The following KCNH7 variants were observed in gnomAD, a reference collection of about 807,000 sequenced individuals.
The protein encoded by KCNH7 is voltage-gated inwardly rectifying potassium channel KCNH7.
A neutral mutation model predicts 120.8 loss-of-function variants in KCNH7; 49 were observed. The observed-to-expected ratio is 0.41, with a 90% confidence interval of 0.32 to 0.51. The LOEUF is 0.51. Ranked by LOEUF, KCNH7 falls within the 20% of genes least tolerant of loss-of-function variation. KCNH7 has a pLI of 0.38. For synonymous variants in KCNH7, 547 were observed against 516.1 expected (o/e 1.06, Z -0.81); for missense variants, 1,097 against 1,446.6 (o/e 0.76, Z 3.92).
chr2:162,534,049 A>T (rs965265556), intron 3 of KCNH7, among the ~76,000 whole-genome samples: 5 of 151,504 alleles, frequency 3.3e-5, no homozygotes, highest in Non-Finnish European at 7.4e-5. Context: ...CTACTGGAAA[A>T]CTAAAAACTA....
At chr2:162,631,313 T>C (rs962730053) in intron 2 of KCNH7, among the ~76,000 whole-genome samples, 5 of 152,068 alleles carry the variant, frequency 3.3e-5, no homozygotes, top group Non-Finnish European at 5.9e-5. Flanking sequence ...TTTCTGTACA[T>C]TGAGGCAAAT....
chr2:162,577,090 A>AT (rs1218725817), intron 2 of KCNH7, among the ~76,000 whole-genome samples: 7 of 151,218 alleles, frequency 4.6e-5, no homozygotes, highest in Non-Finnish European at 7.4e-5. Context: ...TAATTAAAAA[A>AT]TTTTTTTTTT....
At chr2:162,814,586 C>T (rs926691645) in intron 2 of KCNH7, among the ~76,000 whole-genome samples, 5 of 152,136 alleles carry the variant, frequency 3.3e-5, no homozygotes, top group Non-Finnish European at 7.4e-5. Context: ...GTAATGAATT[C>T]CAGCACTTCT....
intron 2 of KCNH7, among the ~76,000 whole-genome samples, chr2:162,753,494 G>A (rs182368618): frequency 1.9e-3 from 292 of 152,284 alleles, no homozygotes; most frequent in Admixed American, 3.6e-3. Flanking sequence ...TGAGCAGATG[G>A]CAAAGAGGCT....
chr2:162,606,000 T>C (rs1041733639), intron 2 of KCNH7, among the ~76,000 whole-genome samples: 10 of 152,112 alleles, frequency 6.6e-5, no homozygotes, highest in African/African-American at 2.4e-4. Context: ...TATGTTAGTA[T>C]ATTAGGGGGA....
At chr2:162,375,833 G>A in intron 14 of KCNH7, among the ~76,000 whole-genome samples, 1 of 150,178 alleles carries the variant, frequency 6.7e-6, no homozygotes, top group East Asian at 2.0e-4. Flanking sequence ...GAAGGCTTGA[G>A]CCTGGGAGAT....
chr2:162,476,472 C>A (rs181829439), intron 6 of KCNH7, among the ~76,000 whole-genome samples: 356 of 152,234 alleles, frequency 2.3e-3, no homozygotes, highest in Non-Finnish European at 4.2e-3. Context: ...ATAATTTTTA[C>A]AGCAGATATT....
chr2:162,401,426 C>T (rs1354357216), intron 9 of KCNH7, among the ~76,000 whole-genome samples: 2 of 151,860 alleles, frequency 1.3e-5, no homozygotes, highest in Non-Finnish European at 2.9e-5. Context: ...GTGCAATTTA[C>T]AGTGCAATGA....
At position 162,836,616 on chromosome 2, in the gene KCNH7, C is replaced by T. The variant is rs1386201729; in HGVS notation, c.228G>A (p.Arg76=). Residue 76 remains arginine, a synonymous_variant, in exon 2 of 16, where the codon AGG becomes AGA. Transcript: ENST00000332142. The stretch of plus-strand genomic sequence containing the variant: ...CCTGGGCAATTTGGGCAATATCATG[C>T]CTCTTGGTCTCGGGTCCATGGAGAA... ...CDFLHGPETK[R]HDIAQIAQAL... is the part of the protein sequence containing the mutation. 2.5e-6 allele frequency: 4 copies of T among 1,614,018 alleles called. No homozygotes were observed. Among genetic ancestry groups the T allele is most frequent in the Non-Finnish European group, 2.5e-6 (3 of 1,180,036 alleles).
chr2:162,645,763 A>G (rs183043401), intron 2 of KCNH7, among the ~76,000 whole-genome samples: 1 of 152,120 alleles, frequency 6.6e-6, no homozygotes, highest in South Asian at 2.1e-4. Context: ...AACAGTATCC[A>G]TTTCCTCCAG....
At position 162,408,780 on chromosome 2, in the gene KCNH7, A is replaced by G. The variant is rs546413859; in HGVS notation, c.2155-8339T>C. Among the ~76,000 whole-genome samples the G allele has an allele frequency of 8.7e-4, 133 of 152,042 alleles. 1 individual carries two copies. The highest frequency in any genetic ancestry group is 2.7e-3 in the African/African-American group (114 of 41,548). On this transcript the variant is annotated intron_variant, in intron 9 of 15. Coordinates refer to ENST00000332142, the MANE Select transcript of KCNH7 (RefSeq NM_033272.4). ...TCTGAAAAGTAGAAATTTTATAGTC[A>G]CTAAACTCTGATTATAATCCAAGAA...
At chr2:162,819,893 G>T (rs1685047219) in intron 2 of KCNH7, among the ~76,000 whole-genome samples, 1 of 151,854 alleles carries the variant, frequency 6.6e-6, no homozygotes, top group Non-Finnish European at 1.5e-5. Context: ...TTTGGTTTTT[G>T]TATCATCTTA....
chr2:162,631,554 T>C (rs914372933), intron 2 of KCNH7, among the ~76,000 whole-genome samples: 9 of 152,084 alleles, frequency 5.9e-5, no homozygotes, highest in Non-Finnish European at 8.8e-5. Context: ...GTTTAAAATA[T>C]TGAATTACAG....
intron 2 of KCNH7, among the ~76,000 whole-genome samples, chr2:162,777,775 A>G (rs1470845554): frequency 6.6e-6 from 1 of 152,164 alleles, no homozygotes; most frequent in East Asian, 1.9e-4. Context: ...GTTAAAATAC[A>G]TGACTCTGAC....
chr2:162,580,646 T>G (rs1186592364), intron 2 of KCNH7, among the ~76,000 whole-genome samples: 1 of 152,046 alleles, frequency 6.6e-6, no homozygotes, highest in Non-Finnish European at 1.5e-5. Flanking sequence ...ATATCATGTG[T>G]CCTGGATGAG....
chr2:162,577,448 T>C (rs768162065), intron 2 of KCNH7, among the ~76,000 whole-genome samples: 3 of 151,650 alleles, frequency 2.0e-5, no homozygotes, highest in Admixed American at 6.6e-5. Flanking sequence ...AAGGAAATCA[T>C]CTATTGAGGA....
At position 162,394,495 on chromosome 2, in the gene KCNH7, T is replaced by A. The variant is rs1288397756; in HGVS notation, c.2614-10A>T. On this transcript the variant is annotated splice_polypyrimidine_tract_variant and intron_variant, in intron 11 of 15. Transcript: ENST00000332142. Reference sequence around the variant, plus strand: ...ATCGTAGGAGATCAGCCTTTGTTAATGGAACATGAAGATAAAATGAAAGAT... The same window carrying A: ...ATCGTAGGAGATCAGCCTTTGTTAAAGGAACATGAAGATAAAATGAAAGAT... The A allele has an allele frequency of 1.3e-6, 2 of 1,487,018 alleles. No homozygotes were observed. The highest frequency in any genetic ancestry group is 1.9e-6 in the Non-Finnish European group (2 of 1,067,464). The allele number at this position is 1,487,018 out of a possible 1,614,324, so 92.1% of individuals were successfully genotyped here.
chr2:162,460,125 A>T (rs1019799540), intron 6 of KCNH7, among the ~76,000 whole-genome samples: 8 of 151,214 alleles, frequency 5.3e-5, no homozygotes, highest in African/African-American at 1.5e-4. Context: ...GCAAAGAAAC[A>T]GATATGCTAA....
intron 2 of KCNH7, among the ~76,000 whole-genome samples, chr2:162,825,302 T>C (rs1293434483): frequency 6.6e-6 from 1 of 151,926 alleles, no homozygotes; most frequent in South Asian, 2.1e-4. Context: ...AATGGGAAAA[T>C]AAATTGCCTC....
Sources: gnomAD v4.1 joint callset for allele counts (sites outside exome capture counted in the v4.1 genomes callset) on GRCh38, gnomAD v4.1.1 for gene constraint, MANE v1.5 for transcripts, NCBI Gene and HGNC (gene_info 2026-07-23, HGNC 2026-07-21) for gene names.